HYCC2: variants seen among roughly 807,000 people sequenced by gnomAD.
HYCC2 encodes hyccin PI4KA lipid kinase complex subunit 2.
chr2:201,023,862 CA>C, the HYCC2 span: 3 of 897,854 alleles, frequency 3.3e-6, no homozygotes, highest in Non-Finnish European at 5.4e-6. Flanking sequence ...TATGTTTCTC[CA>C]TAGAGCACAT....
At chr2:201,040,689 T>C in the HYCC2 span, among the ~76,000 whole-genome samples, 1 of 152,056 alleles carries the variant, frequency 6.6e-6, no homozygotes, top group South Asian at 2.1e-4. Context: ...TTCACCATGT[T>C]GGCCAGGCTG....
the HYCC2 span, among the ~76,000 whole-genome samples, chr2:201,044,936 T>G: frequency 2.0e-5 from 3 of 152,202 alleles, no homozygotes; most frequent in African/African-American, 7.2e-5. Context: ...ATCAAAATTA[T>G]GGGATAAACC....
the HYCC2 span, among the ~76,000 whole-genome samples, chr2:201,014,773 A>C: frequency 6.6e-6 from 1 of 152,232 alleles, no homozygotes; most frequent in South Asian, 2.1e-4. Context: ...CCTTTCAGTT[A>C]TACAACTAAA....
At chr2:200,977,929 T>C in the HYCC2 span, 1 of 152,328 alleles carries the variant, frequency 6.6e-6, no homozygotes, top group South Asian at 2.1e-4. Flanking sequence ...CAGAGCGAGC[T>C]CCCAAAACCT....
the HYCC2 span, among the ~76,000 whole-genome samples, chr2:201,016,653 G>T: frequency 1.3e-5 from 2 of 150,106 alleles, no homozygotes; most frequent in African/African-American, 4.9e-5. Flanking sequence ...AGGCTGGAGT[G>T]CAGTGGTACA....
the HYCC2 span, among the ~76,000 whole-genome samples, chr2:201,004,030 G>A: frequency 6.6e-6 from 1 of 151,864 alleles, no homozygotes. Context: ...TGGTCAGGCT[G>A]GTCTCAAACT....
chr2:201,068,536 A>C, the HYCC2 span, among the ~76,000 whole-genome samples: 1 of 151,680 alleles, frequency 6.6e-6, no homozygotes. Context: ...CCCCCTTCAC[A>C]CTCCTCCCAT....
chr2:200,980,535 C>A, the HYCC2 span: 1 of 152,496 alleles, frequency 6.6e-6, no homozygotes, highest in Non-Finnish European at 1.5e-5. Flanking sequence ...AGGGAAGACA[C>A]GTTAATAATG....
the HYCC2 span, among the ~76,000 whole-genome samples, chr2:201,009,965 G>C: frequency 2.6e-5 from 4 of 151,740 alleles, no homozygotes; most frequent in African/African-American, 9.7e-5. Flanking sequence ...TTAGCCGGGC[G>C]TGGTGGCATG....
At chr2:201,020,390 G>A in the HYCC2 span, among the ~76,000 whole-genome samples, 77 of 152,296 alleles carry the variant, frequency 5.1e-4, 1 homozygote, top group Admixed American at 2.0e-4. Flanking sequence ...GTTAAAGAAT[G>A]TGAGGTGAAG....
At chr2:201,068,308 T>C in the HYCC2 span, among the ~76,000 whole-genome samples, 2 of 151,814 alleles carry the variant, frequency 1.3e-5, no homozygotes, top group South Asian at 4.1e-4. Context: ...AAAAAAAAGC[T>C]ATCCTAGCTA....
At chr2:201,067,966 C>T in the HYCC2 span, among the ~76,000 whole-genome samples, 1 of 152,198 alleles carries the variant, frequency 6.6e-6, no homozygotes, top group Non-Finnish European at 1.5e-5. Flanking sequence ...TCTGGCAACT[C>T]CAGCTCCCGG....
At chr2:201,043,000 A>G in the HYCC2 span, among the ~76,000 whole-genome samples, 1 of 152,228 alleles carries the variant, frequency 6.6e-6, no homozygotes, top group African/African-American at 2.4e-5. Context: ...AAAAGGGGGA[A>G]ATGTGGGGAA....
chr2:201,023,123 C>T, the HYCC2 span, among the ~76,000 whole-genome samples: 5 of 152,068 alleles, frequency 3.3e-5, no homozygotes, highest in Admixed American at 3.3e-4. Context: ...TCAAGGCAAG[C>T]GTATCACTTG....
chr2:201,014,233 T>C, the HYCC2 span, among the ~76,000 whole-genome samples: 2 of 152,222 alleles, frequency 1.3e-5, no homozygotes, highest in African/African-American at 4.8e-5. Flanking sequence ...GATAGCTTAA[T>C]GCTAAGCATA....
the HYCC2 span, chr2:200,993,154 C>T: frequency 1.3e-5 from 7 of 542,290 alleles, no homozygotes; most frequent in Non-Finnish European, 2.3e-5. Context: ...CCTAGGCATA[C>T]AGTTGTGAAC....
the HYCC2 span, chr2:201,063,540 T>C: frequency 6.3e-7 from 1 of 1,588,818 alleles, no homozygotes; most frequent in African/African-American, 1.3e-5. Context: ...TTTGCCTTTG[T>C]AACCTTTGAT....
the HYCC2 span, among the ~76,000 whole-genome samples, chr2:201,052,443 A>G: frequency 1.4e-4 from 21 of 152,166 alleles, no homozygotes; most frequent in South Asian, 4.4e-3. Context: ...CGTCTCTGCA[A>G]AAAAAATTTT....
At chr2:200,981,599 G>C in the HYCC2 span, 1 of 1,614,140 alleles carries the variant, frequency 6.2e-7, no homozygotes, top group Non-Finnish European at 8.5e-7. The surrounding 1 kb of genome is among the most constrained non-coding windows in gnomAD (Gnocchi z 4.5). Flanking sequence ...ATTGGTGTCA[G>C]CTCAACTGAA....
Sources: gnomAD v4.1 joint callset for allele counts (sites outside exome capture counted in the v4.1 genomes callset) on GRCh38, gnomAD v4.1.1 for gene constraint, Gnocchi (gnomAD v3.1) non-coding constraint, MANE v1.5 for transcripts, NCBI Gene and HGNC (gene_info 2026-07-23, HGNC 2026-07-21) for gene names.